Variants in ACBD6 observed in about 807,000 individuals in gnomAD.
ACBD6 encodes acyl-CoA binding domain containing 6.
ACBD6 carries 28 observed loss-of-function variants against 37.2 expected under a neutral mutation model. The ratio of observed to expected loss-of-function variants is 0.75; its 90% CI spans 0.56 to 1.03. The LOEUF (loss-of-function observed/expected upper bound fraction) is 1.03, where lower values mean the gene tolerates loss of function less well. Among genes scored for constraint, ACBD6 ranks in the 50% least tolerant of loss-of-function variants. ACBD6 has a pLI of 0.00. For synonymous variants in ACBD6, 113 were observed against 126.8 expected (o/e 0.89, Z 0.73); for missense variants, 340 against 337.4 (o/e 1.01, Z -0.06).
At chr1:180,473,050 T>C (rs1024875639) in intron 3 of ACBD6, among the ~76,000 whole-genome samples, 4 of 152,028 alleles carry the variant, frequency 2.6e-5, no homozygotes, top group African/African-American at 7.2e-5. Context: ...CTATAAAAAT[T>C]TGTATGTAGA....
intron 13 of ACBD6, among the ~76,000 whole-genome samples, chr1:180,272,207 T>G (rs1248052683): frequency 6.6e-6 from 1 of 152,004 alleles, no homozygotes; most frequent in Non-Finnish European, 1.5e-5. Context: ...ACAAGATTGC[T>G]GAGGTCTGGA....
chr1:180,494,742 G>A (rs1264443146), intron 2 of ACBD6, among the ~76,000 whole-genome samples: 1 of 152,038 alleles, frequency 6.6e-6, no homozygotes, highest in Non-Finnish European at 1.5e-5. Flanking sequence ...CAGGGCTGAT[G>A]CTCCAAAGCC....
At chr1:180,486,122 C>T (rs1651254933) in intron 3 of ACBD6, among the ~76,000 whole-genome samples, 2 of 152,166 alleles carry the variant, frequency 1.3e-5, no homozygotes, top group African/African-American at 4.8e-5. Flanking sequence ...GGCCATTTCT[C>T]AGGATTGTGT....
chr1:180,473,229 C>T (rs1217591363), intron 3 of ACBD6, among the ~76,000 whole-genome samples: 1 of 151,994 alleles, frequency 6.6e-6, no homozygotes, highest in African/African-American at 2.4e-5. Flanking sequence ...GGGCGGATCA[C>T]GAGGTCAGGA....
intron 7 of ACBD6, among the ~76,000 whole-genome samples, chr1:180,303,719 C>T (rs1197044340): frequency 2.0e-5 from 3 of 150,760 alleles, no homozygotes; most frequent in African/African-American, 4.8e-5. Context: ...CTATTCCAAT[C>T]AATAGAAAAA....
At chr1:180,376,991 G>A (rs897281297) in intron 6 of ACBD6, among the ~76,000 whole-genome samples, 76 of 152,190 alleles carry the variant, frequency 5.0e-4, no homozygotes, top group African/African-American at 1.7e-3. Context: ...AGTATGTTGA[G>A]TGGAAACCGT....
intron 7 of ACBD6, among the ~76,000 whole-genome samples, chr1:180,303,833 T>A (rs188450326): frequency 6.6e-6 from 1 of 150,998 alleles, no homozygotes; most frequent in Admixed American, 6.6e-5. Context: ...ATATCCCTGA[T>A]GAATACTGAT....
At chr1:180,400,399 C>T (rs2101955361) in intron 5 of ACBD6, among the ~76,000 whole-genome samples, 1 of 152,288 alleles carries the variant, frequency 6.6e-6, no homozygotes, top group Non-Finnish European at 1.5e-5. Context: ...TTTAATGGTA[C>T]ACTAATTAAC....
intron 4 of ACBD6, among the ~76,000 whole-genome samples, chr1:180,419,259 A>T (rs193025898): frequency 1.6e-3 from 247 of 152,348 alleles, no homozygotes; most frequent in African/African-American, 5.5e-3. Flanking sequence ...TCAAAAAAAA[A>T]ATATATTGTT....
chr1:180,451,215 C>T (rs186368568), intron 3 of ACBD6, among the ~76,000 whole-genome samples: 1 of 152,268 alleles, frequency 6.6e-6, no homozygotes, highest in Admixed American at 6.5e-5. Flanking sequence ...CCATTTCAGA[C>T]CCACTAGGAT....
intron 6 of ACBD6, among the ~76,000 whole-genome samples, chr1:180,319,459 G>C (rs937790761): frequency 6.6e-6 from 1 of 151,954 alleles, no homozygotes; most frequent in Non-Finnish European, 1.5e-5. Context: ...TGATAAATGG[G>C]GTATCCATCC....
At chr1:180,310,338 C>T (rs927522029) in intron 7 of ACBD6, among the ~76,000 whole-genome samples, 5 of 151,914 alleles carry the variant, frequency 3.3e-5, no homozygotes, top group Admixed American at 2.0e-4. Flanking sequence ...CTAGCCTGGG[C>T]GACAAGAGTG....
rs572261043 is a variant in ACBD6 at position 180,439,091 on chromosome 1, T to A, written c.385-8829A>T. ...TTTAAGGTTCCTCCATGTCTTTTCA[T>A]GGTCTAATAGCTCATTTCTTTTTAA... is the stretch of plus-strand genomic sequence containing the variant. On this transcript the variant is annotated intron_variant, in intron 3 of 7. Transcript: ENST00000367595. Among the ~76,000 whole-genome samples the A allele has an allele frequency of 9.2e-5, 14 of 152,362 alleles. No homozygotes were observed. The South Asian group carries it at 2.3e-3, about 25-fold the overall frequency.
intron 3 of ACBD6, among the ~76,000 whole-genome samples, chr1:180,441,897 C>T (rs1246243600): frequency 1.3e-5 from 2 of 152,108 alleles, no homozygotes; most frequent in Non-Finnish European, 2.9e-5. Context: ...ATTGCTCTGG[C>T]TAGAATTTAT....
chr1:180,271,241 T>C, exon 14 of ACBD6: 1 of 928,672 alleles, frequency 1.1e-6, no homozygotes, highest in Non-Finnish European at 1.8e-6. Flanking sequence ...ACCTCTCCAC[T>C]CTGATGTCCC....
At position 180,492,401 on chromosome 1, in the gene ACBD6, T is replaced by C. The variant is rs760211890; in HGVS notation, c.288-36A>G. The stretch of plus-strand genomic sequence containing the variant: ...GAATATCCAAAATGGCCTGTCATTA[T>C]GCAAATAACACAAACAGCATTTTTC... On this transcript the variant is annotated intron_variant, in intron 2 of 7. Coordinates refer to ENST00000367595, the MANE Select transcript of ACBD6 (RefSeq NM_032360.4). 2.7e-6 allele frequency: 4 copies of C among 1,495,224 alleles called. No homozygotes were observed. The South Asian group carries it at 4.5e-5, about 17-fold the overall frequency. 92.6% of individuals were successfully genotyped at this position (1,495,224 alleles called of 1,614,324 possible). A position where few individuals can be genotyped will look rare whatever the true frequency, so the allele number is the denominator to read the frequency against.
At chr1:180,438,110 C>T (rs1649125891) in intron 3 of ACBD6, among the ~76,000 whole-genome samples, 1 of 152,188 alleles carries the variant, frequency 6.6e-6, no homozygotes, top group South Asian at 2.1e-4. Flanking sequence ...ACTGTGAAGA[C>T]TATTGTGAAC....
chr1:180,437,321 G>A (rs751536837), intron 3 of ACBD6, among the ~76,000 whole-genome samples: 3 of 152,154 alleles, frequency 2.0e-5, no homozygotes, highest in Admixed American at 6.5e-5. Flanking sequence ...CAAGGGGTGG[G>A]AGGCAGTCCT....
At chr1:180,483,057 T>C (rs999324567) in intron 3 of ACBD6, among the ~76,000 whole-genome samples, 3 of 152,178 alleles carry the variant, frequency 2.0e-5, no homozygotes, top group African/African-American at 4.8e-5. Context: ...CCACAATCCT[T>C]ATTACAGCAG....
Sources: gnomAD v4.1 joint callset for allele counts (sites outside exome capture counted in the v4.1 genomes callset) on GRCh38, gnomAD v4.1.1 for gene constraint, MANE v1.5 for transcripts, NCBI Gene and HGNC (gene_info 2026-07-23, HGNC 2026-07-21) for gene names.